The following PALD1 variants were observed in gnomAD, a reference collection of about 807,000 sequenced individuals.
PALD1 encodes the protein phosphatase domain containing paladin 1.
A neutral mutation model predicts 96.0 loss-of-function variants in PALD1; 57 were observed. That is an observed-to-expected ratio of 0.59 (90% confidence interval 0.48 to 0.74). PALD1 has a LOEUF of 0.74. PALD1 is among the 30% of genes least tolerant of loss of function. The probability of loss-of-function intolerance (pLI) is 0.00; values close to 1 mark genes in which losing one functional copy is unlikely to be tolerated. For synonymous variants in PALD1, 464 were observed against 473.6 expected (o/e 0.98, Z 0.26); for missense variants, 1,063 against 1,143.7 (o/e 0.93, Z 1.02).
intron 1 of PALD1, among the ~76,000 whole-genome samples, chr10:70,486,567 C>T (rs12777921): frequency 1.3e-5 from 2 of 152,068 alleles, no homozygotes; most frequent in African/African-American, 4.8e-5. Context: ...TCAAGACCAG[C>T]CTGGCCAACA....
chr10:70,501,837 G>A (rs1430084948), intron 1 of PALD1, among the ~76,000 whole-genome samples: 1 of 151,168 alleles, frequency 6.6e-6, no homozygotes, highest in African/African-American at 2.4e-5. Context: ...GTGTGTGTGC[G>A]TGCGTGCATG....
upstream of PALD1, among the ~76,000 whole-genome samples, chr10:70,474,161 T>G (rs1845794275): frequency 6.6e-6 from 1 of 152,176 alleles, no homozygotes; most frequent in African/African-American, 2.4e-5. Context: ...ATCTGGTCCC[T>G]GCTCTTAGGA....
chr10:70,538,981 C>T lies in PALD1; in HGVS notation c.1542C>T (p.Ile514=), dbSNP rs760483096. ...TCCGGCGGGTGCCCCGCATGCCCAT[C>T]TACGGCACGGCCCAGCCCAGCGCCA... The part of the protein sequence containing the change: ...ANFRRVPRMP[I]YGTAQPSAKA... The change falls in exon 13 of 20, where the codon ATC becomes ATT. Residue 514 remains isoleucine, a synonymous_variant. Transcript: ENST00000263563. 18 of 1,613,832 alleles carry T rather than the reference C, an allele frequency of 1.1e-5. No individual in the cohort carries two copies. The highest frequency in any genetic ancestry group is 1.5e-5 in the Non-Finnish European group (18 of 1,179,944).
rs1846949108 is a variant in PALD1 at position 70,529,476 on chromosome 10, G to A, written c.288+145G>A. 13 of 599,144 alleles carry A rather than the reference G, an allele frequency of 2.2e-5. No homozygotes were observed. The South Asian group carries it at 2.3e-4, about 11-fold the overall frequency. The allele number at this position is 599,144 out of a possible 1,614,324, so 37.1% of individuals were successfully genotyped here. On this transcript the variant is annotated intron_variant, in intron 3 of 19. Coordinates refer to ENST00000263563, the MANE Select transcript of PALD1 (RefSeq NM_014431.3). ...AGAACGGGCAGGGCCCTAGGATGGA[G>A]CTAGCACCGTGATCCTCTGGTTGAT...
chr10:70,529,567 G>A (rs1846950788), intron 3 of PALD1, among the ~76,000 whole-genome samples: 2 of 152,084 alleles, frequency 1.3e-5, no homozygotes, highest in South Asian at 2.1e-4. Flanking sequence ...CCTAGAGCCA[G>A]CTTTGCCTCT....
At chr10:70,546,788 A>G (rs562354920) in intron 17 of PALD1, among the ~76,000 whole-genome samples, 63 of 152,298 alleles carry the variant, frequency 4.1e-4, no homozygotes, top group African/African-American at 1.5e-3. Context: ...CGTTTCTACT[A>G]AAAGTACAAG....
chr10:70,512,579 G>A (rs1191086606), intron 1 of PALD1, among the ~76,000 whole-genome samples: 1 of 152,242 alleles, frequency 6.6e-6, no homozygotes, highest in Non-Finnish European at 1.5e-5. Flanking sequence ...CTGTGTCTGG[G>A]CTGCTGAGGC....
the PALD1 span, among the ~76,000 whole-genome samples, chr10:70,472,283 G>A: frequency 1.3e-5 from 2 of 152,016 alleles, no homozygotes; most frequent in Non-Finnish European, 2.9e-5. Flanking sequence ...TTATTGAGAC[G>A]GAGTTTTGCT....
chr10:70,511,127 A>G (rs1258946371), intron 1 of PALD1, among the ~76,000 whole-genome samples: 1 of 152,174 alleles, frequency 6.6e-6, no homozygotes, highest in African/African-American at 2.4e-5. Context: ...CCCTGTTCCC[A>G]TGTGGCATGT....
At chr10:70,506,991 G>T (rs1171187836) in intron 1 of PALD1, among the ~76,000 whole-genome samples, 1 of 152,120 alleles carries the variant, frequency 6.6e-6, no homozygotes, top group African/African-American at 2.4e-5. Context: ...TGTACTGTGG[G>T]ACCTGGACTA....
At chr10:70,464,968 TGTA>T in the PALD1 span, among the ~76,000 whole-genome samples, 2 of 148,676 alleles carry the variant, frequency 1.3e-5, no homozygotes, top group African/African-American at 5.0e-5. Flanking sequence ...TATGTATGTA[TGTA>T]TGTATGTATG....
At chr10:70,491,128 G>C (rs557495251) in intron 1 of PALD1, among the ~76,000 whole-genome samples, 1 of 152,130 alleles carries the variant, frequency 6.6e-6, no homozygotes, top group Non-Finnish European at 1.5e-5. Context: ...TGTATTTTTA[G>C]TAGAGACGGG....
intron 19 of PALD1, among the ~76,000 whole-genome samples, chr10:70,565,176 A>G (rs1371616644): frequency 1.1e-4 from 17 of 152,226 alleles, no homozygotes; most frequent in Admixed American, 1.1e-3. Flanking sequence ...GACTGAGCAC[A>G]GAGAGGGTGG....
upstream of PALD1, among the ~76,000 whole-genome samples, chr10:70,475,116 T>C (rs777602261): frequency 2.0e-5 from 3 of 152,230 alleles, no homozygotes; most frequent in Non-Finnish European, 4.4e-5. Context: ...AACTGCTCTT[T>C]GCATCATTTT....
At position 70,540,120 on chromosome 10, in the gene PALD1, T is replaced by C. The variant is rs1413863648; in HGVS notation, c.1908+358T>C. Among the ~76,000 whole-genome samples the C allele has an allele frequency of 6.6e-6, 1 of 151,698 alleles. No homozygotes were observed. The highest frequency in any genetic ancestry group is 2.4e-5 in the African/African-American group (1 of 41,218). On this transcript the variant is annotated intron_variant, in intron 15 of 19. Coordinates refer to ENST00000263563, the MANE Select transcript of PALD1 (RefSeq NM_014431.3). The surrounding 1 kb of genome is among the most constrained non-coding windows in gnomAD (Gnocchi z 4.2). ...TGTATTGTGTTATGGGTGTGTGTTATAGGTGTGTGTGTGTTATCGGGGTGT... is the reference window on the plus strand; with the variant it reads ...TGTATTGTGTTATGGGTGTGTGTTACAGGTGTGTGTGTGTTATCGGGGTGT...
chr10:70,534,413 C>G lies in PALD1; in HGVS notation c.1023-12C>G. The G allele has an allele frequency of 6.3e-7, 1 of 1,589,662 alleles. No homozygotes were observed. Among genetic ancestry groups the G allele is most frequent in the Non-Finnish European group, 8.6e-7 (1 of 1,163,950 alleles). Reference sequence around the variant, plus strand: ...GGAAGAGCCTGCTAATGTACTGACCCTGCCTCGACAGGGCTGCCCCCACGC... The same window carrying G: ...GGAAGAGCCTGCTAATGTACTGACCGTGCCTCGACAGGGCTGCCCCCACGC... On this transcript the variant is annotated splice_polypyrimidine_tract_variant and intron_variant, in intron 8 of 19. Transcript: ENST00000263563.
chr10:70,506,070 T>G (rs958411388), intron 1 of PALD1, among the ~76,000 whole-genome samples: 6 of 152,098 alleles, frequency 3.9e-5, no homozygotes, highest in African/African-American at 1.4e-4. Flanking sequence ...CAGCTCCAAC[T>G]CTGACGAGCT....
chr10:70,470,343 A>T, the PALD1 span, among the ~76,000 whole-genome samples: 1 of 152,056 alleles, frequency 6.6e-6, no homozygotes, highest in Non-Finnish European at 1.5e-5. Flanking sequence ...AAATGTCTTA[A>T]TTATTAGAAT....
At chr10:70,471,451 C>T in the PALD1 span, among the ~76,000 whole-genome samples, 1 of 152,218 alleles carries the variant, frequency 6.6e-6, no homozygotes, top group African/African-American at 2.4e-5. Flanking sequence ...ATGGTCAACA[C>T]CACTGTGGTC....
Sources: gnomAD v4.1 joint callset for allele counts (sites outside exome capture counted in the v4.1 genomes callset) on GRCh38, gnomAD v4.1.1 for gene constraint, Gnocchi (gnomAD v3.1) non-coding constraint, MANE v1.5 for transcripts, NCBI Gene and HGNC (gene_info 2026-07-23, HGNC 2026-07-21) for gene names.